GPC6: variants seen among roughly 807,000 people sequenced by gnomAD.
The protein encoded by GPC6 is glypican-6.
In GPC6, 14 loss-of-function variants were observed where a neutral mutation model predicts 55.2. The observed-to-expected ratio is 0.25, with a 90% CI of 0.17 to 0.40. The LOEUF (loss-of-function observed/expected upper bound fraction) is 0.40, where lower values mean the gene tolerates loss of function less well. Among genes scored for constraint, GPC6 ranks in the 10% least tolerant of loss-of-function variants. The pLI is 1.00. For synonymous variants in GPC6, 278 were observed against 259.6 expected (o/e 1.07, Z -0.68); for missense variants, 641 against 708.5 (o/e 0.90, Z 1.08).
intron 1 of GPC6, among the ~76,000 whole-genome samples, chr13:93,480,327 T>C (rs1408142922): frequency 1.3e-5 from 2 of 152,330 alleles, no homozygotes; most frequent in African/African-American, 2.4e-5. Context: ...AATAAAAAAA[T>C]TTAGTTATAT....
intron 2 of GPC6, among the ~76,000 whole-genome samples, chr13:93,665,986 G>A (rs550285161): frequency 3.3e-5 from 5 of 152,190 alleles, no homozygotes; most frequent in African/African-American, 1.2e-4. Context: ...TAACAATTAG[G>A]CAATTGGCTC....
Position 93,640,753 on chromosome 13 carries a change from TTCCCTCCCTCCTCCCCACTTTCCTTCCC to T in GPC6, c.319+95342_319+95369del, listed in dbSNP as rs1171669668. ...CTTCCCTCCCTCCTCCCCACTTTCCTTCCCTCCCTCCTCCCCACTTTCCTTCCCTCCCTCCCTTCCTCCTTCCTTCCTT... is the reference window on the plus strand; with the variant it reads ...CTTCCCTCCCTCCTCCCCACTTTCCTTCCCTCCCTTCCTCCTTCCTTCCTT... On this transcript the variant is annotated intron_variant, in intron 2 of 8. Coordinates refer to ENST00000377047, the MANE Select transcript of GPC6 (RefSeq NM_005708.5). Among the ~76,000 whole-genome samples, 606 of 62,792 alleles carry T rather than the reference TTCCCTCCCTCCTCCCCACTTTCCTTCCC, an allele frequency of 9.7e-3. 19 individuals are homozygous for T. Among genetic ancestry groups the T allele is most frequent in the African/African-American group, 0.045 (570 of 12,556 alleles). The allele number at this position is 62,792 out of a possible 152,430, so 41.2% of individuals were successfully genotyped here.
At chr13:93,627,762 C>T (rs913325700) in intron 2 of GPC6, among the ~76,000 whole-genome samples, 2 of 152,108 alleles carry the variant, frequency 1.3e-5, no homozygotes, top group Admixed American at 1.3e-4. Context: ...CCCATAAGCT[C>T]TATGGTTTTT....
chr13:93,773,223 G>A (rs1003076393), intron 2 of GPC6, among the ~76,000 whole-genome samples: 2 of 152,104 alleles, frequency 1.3e-5, no homozygotes, highest in African/African-American at 4.8e-5. Context: ...AATAAAGCCT[G>A]CATGATGGAT....
chr13:93,679,741 A>G (rs932541201), intron 2 of GPC6, among the ~76,000 whole-genome samples: 1 of 152,058 alleles, frequency 6.6e-6, no homozygotes, highest in Non-Finnish European at 1.5e-5. Flanking sequence ...GACCAAGACC[A>G]TTACTAAAAT....
In GPC6 at chr13:94,286,330, T is replaced by A; in HGVS notation, c.878-19T>A. 1.2e-6 allele frequency: 2 copies of A among 1,613,502 alleles called. No individual in the cohort carries two copies. The highest frequency in any genetic ancestry group is 1.7e-6 in the Non-Finnish European group (2 of 1,179,608). ...GAGCTCCCAGTTTGCAAATAAATCA[T>A]GTTCCTGTATTTTAACAGATGCAAT... On this transcript the variant is annotated intron_variant, in intron 4 of 8. Transcript: ENST00000377047.
intron 6 of GPC6, among the ~76,000 whole-genome samples, chr13:94,338,641 A>G (rs1877852881): frequency 6.6e-6 from 1 of 152,204 alleles, no homozygotes; most frequent in South Asian, 2.1e-4. Context: ...AGACCTAACC[A>G]TCTGCCATGA....
intron 2 of GPC6, among the ~76,000 whole-genome samples, chr13:93,786,235 T>C (rs925005292): frequency 3.9e-5 from 6 of 152,088 alleles, no homozygotes; most frequent in Non-Finnish European, 8.8e-5. Flanking sequence ...AGGAGAAGTG[T>C]AATGAAGCGA....
intron 2 of GPC6, among the ~76,000 whole-genome samples, chr13:93,723,988 G>A (rs1447067405): frequency 6.6e-6 from 1 of 151,918 alleles, no homozygotes; most frequent in Non-Finnish European, 1.5e-5. Context: ...TTACTCCTAA[G>A]GGTGAAGCAC....
intron 4 of GPC6, among the ~76,000 whole-genome samples, chr13:94,248,793 G>A (rs998814319): frequency 1.3e-5 from 2 of 151,958 alleles, no homozygotes; most frequent in African/African-American, 4.8e-5. Context: ...CAGGACATAG[G>A]GATATTGAAG....
chr13:94,246,741 A>G (rs765840748), intron 4 of GPC6, among the ~76,000 whole-genome samples: 21 of 152,044 alleles, frequency 1.4e-4, no homozygotes, highest in Admixed American at 1.2e-3. Context: ...TGTCAGTGCC[A>G]TACTGTTTTC....
intron 1 of GPC6, among the ~76,000 whole-genome samples, chr13:93,365,833 T>C (rs1881228141): frequency 6.6e-6 from 1 of 152,074 alleles, no homozygotes; most frequent in African/African-American, 2.4e-5. Context: ...TTGTGGAATA[T>C]GTAGAGTGTT....
chr13:93,323,235 G>T (rs1471421687), intron 1 of GPC6, among the ~76,000 whole-genome samples: 1 of 152,032 alleles, frequency 6.6e-6, no homozygotes, highest in African/African-American at 2.4e-5. Flanking sequence ...TTTTTGTGAT[G>T]CTCACCATTA....
intron 6 of GPC6, among the ~76,000 whole-genome samples, chr13:94,312,916 C>A (rs548324594): frequency 7.2e-5 from 11 of 152,354 alleles, no homozygotes; most frequent in African/African-American, 2.4e-4. Context: ...CCCCAGCAAA[C>A]AAATGGCTAC....
chr13:94,343,041 G>A (rs1166712293), intron 6 of GPC6, among the ~76,000 whole-genome samples: 1 of 152,178 alleles, frequency 6.6e-6, no homozygotes, highest in Non-Finnish European at 1.5e-5. Flanking sequence ...CTGATTAAAA[G>A]TGAGAAAGGC....
At chr13:93,917,658 C>T (rs2068256500) in intron 3 of GPC6, among the ~76,000 whole-genome samples, 1 of 151,742 alleles carries the variant, frequency 6.6e-6, no homozygotes, top group South Asian at 2.1e-4. Flanking sequence ...GACTTTGCTT[C>T]AGACCTACAC....
At chr13:93,575,168 C>T (rs1876597961) in intron 2 of GPC6, among the ~76,000 whole-genome samples, 1 of 152,198 alleles carries the variant, frequency 6.6e-6, no homozygotes, top group Non-Finnish European at 1.5e-5. Flanking sequence ...ATGGTGCATG[C>T]CTGTAGTCCC....
chr13:93,696,900 A>T (rs1594380101), intron 2 of GPC6, among the ~76,000 whole-genome samples: 1 of 152,208 alleles, frequency 6.6e-6, no homozygotes, highest in East Asian at 1.9e-4. Context: ...CTAGGATTAC[A>T]GGTGTGAGCC....
chr13:93,871,337 GC>G (rs1376068774), intron 3 of GPC6, among the ~76,000 whole-genome samples: 2 of 151,916 alleles, frequency 1.3e-5, no homozygotes, highest in Non-Finnish European at 2.9e-5. Context: ...AAAGTTCCTA[GC>G]TTTGATCTTA....
Sources: allele counts gnomAD v4.1 joint callset (sites outside exome capture counted in the v4.1 genomes callset), GRCh38; gene constraint gnomAD v4.1.1; transcripts MANE v1.5; gene names NCBI Gene and HGNC (gene_info 2026-07-23, HGNC 2026-07-21).